Variants in SEPTIN14 observed in about 807,000 individuals in gnomAD.
SEPTIN14 encodes septin-14.
In SEPTIN14, 40 loss-of-function variants were observed where a neutral mutation model predicts 53.6. The ratio of observed to expected loss-of-function variants is 0.75; its 90% CI spans 0.58 to 0.97. The LOEUF is 0.97. Among genes scored for constraint, SEPTIN14 ranks in the 50% least tolerant of loss-of-function variants. SEPTIN14 has a pLI of 0.00. For synonymous variants in SEPTIN14, 138 were observed against 166.8 expected, an observed-to-expected ratio of 0.83 and a Z score of 1.33; for missense variants, 471 against 508.2, an observed-to-expected ratio of 0.93 and a Z score of 0.70.
intron 7 of SEPTIN14, among the ~76,000 whole-genome samples, chr7:55,816,790 C>T (rs1208897137): frequency 6.6e-6 from 1 of 151,972 alleles, no homozygotes; most frequent in Non-Finnish European, 1.5e-5. Context: ...AAGAGCTAAA[C>T]TCCATCTCAA....
intron 7 of SEPTIN14, among the ~76,000 whole-genome samples, chr7:55,812,524 G>C (rs1286343608): frequency 6.6e-6 from 1 of 152,180 alleles, no homozygotes; most frequent in Non-Finnish European, 1.5e-5. Context: ...CTACGGCACT[G>C]TATGGTGACT....
intron 9 of SEPTIN14, among the ~76,000 whole-genome samples, chr7:55,801,747 C>T (rs561810031): frequency 6.6e-6 from 1 of 151,738 alleles, no homozygotes; most frequent in South Asian, 2.1e-4. Context: ...TAGTGAGACC[C>T]CATCTCTACT....
rs189817778 is a variant in SEPTIN14 at position 55,855,527 on chromosome 7, G to C, written c.54+6416C>G. Among the ~76,000 whole-genome samples, 410 of 152,198 alleles carry C rather than the reference G, an allele frequency of 2.7e-3. 4 individuals carry two copies. The highest frequency in any genetic ancestry group is 0.01 in the Middle Eastern group (3 of 294). On this transcript the variant is annotated intron_variant, in intron 2 of 9. Transcript: ENST00000388975. ...ACAAGTAAAAAGTATGAGCCATAAAGAGGAATCATCTGTAGGTGCTTTTTT... is the reference window on the plus strand; with the variant it reads ...ACAAGTAAAAAGTATGAGCCATAAACAGGAATCATCTGTAGGTGCTTTTTT...
intron 5 of SEPTIN14, among the ~76,000 whole-genome samples, chr7:55,840,891 ATTAT>A (rs1789298874): frequency 1.1e-5 from 1 of 92,902 alleles, no homozygotes; most frequent in African/African-American, 2.9e-5. Flanking sequence ...TGTTGTTGTT[ATTAT>A]TTATTTATTA....
chr7:55,819,344 C>T lies in SEPTIN14; in HGVS notation c.721-121G>A. 4.3e-6 allele frequency: 3 copies of T among 694,744 alleles called. No homozygotes were observed. The Admixed American group carries it at 7.4e-5, about 17-fold the overall frequency. 43.0% of individuals were successfully genotyped at this position (694,744 alleles called of 1,614,324 possible). On this transcript the variant is annotated intron_variant, in intron 6 of 9. Transcript: ENST00000388975. Reference sequence around the variant, plus strand: ...GTGGCTCATGCCTGTAATCCCAGCACTTTGGGAGGCCGAGGTGGGCGGATC... The same window carrying T: ...GTGGCTCATGCCTGTAATCCCAGCATTTTGGGAGGCCGAGGTGGGCGGATC...
At chr7:55,841,097 C>T (rs1789304156) in intron 5 of SEPTIN14, among the ~76,000 whole-genome samples, 1 of 152,022 alleles carries the variant, frequency 6.6e-6, no homozygotes, top group South Asian at 2.1e-4. Flanking sequence ...TTAGTAGAGA[C>T]AGGGTTTCAT....
In SEPTIN14 at chr7:55,844,725, T is replaced by G. The variant is rs948066721; in HGVS notation, c.176-7A>C. On this transcript the variant is annotated splice_polypyrimidine_tract_variant and splice_region_variant and intron_variant, in intron 3 of 9. Transcript: ENST00000388975. ...TTTCCAATTCCAGTCTCCCCTGTAA[T>G]AGACATAGAGTCATTGTCATAGGGA... is the stretch of plus-strand genomic sequence containing the variant. The G allele has an allele frequency of 2.0e-6, 3 of 1,522,496 alleles. No individual in the cohort carries two copies. Among genetic ancestry groups the G allele is most frequent in the Non-Finnish European group, 2.7e-6 (3 of 1,111,824 alleles). 94.3% of individuals were successfully genotyped at this position (1,522,496 alleles called of 1,614,324 possible).
At chr7:55,851,853 A>G (rs571512797) in intron 2 of SEPTIN14, among the ~76,000 whole-genome samples, 96 of 152,218 alleles carry the variant, frequency 6.3e-4, no homozygotes, top group African/African-American at 2.3e-3. Context: ...CTAAAAATAC[A>G]AAAAAGAGGC....
In SEPTIN14 at chr7:55,804,339, A is replaced by G. The variant is rs147725592; in HGVS notation, c.1119+919T>C. On this transcript the variant is annotated intron_variant, in intron 9 of 9. Coordinates refer to ENST00000388975, the MANE Select transcript of SEPTIN14 (RefSeq NM_207366.3). ...AGTGGCACCATCTCGGCTCACTGCA[A>G]CCTCCACCTACTGGGTTCAAGCGAT... 3.0e-3 allele frequency among the ~76,000 whole-genome samples: 444 copies of G among 150,188 alleles called. 17 individuals carry two copies. In the East Asian group the frequency reaches 0.073, roughly 25 times the overall value.
intron 6 of SEPTIN14, among the ~76,000 whole-genome samples, chr7:55,826,777 A>G (rs1584260804): frequency 6.6e-6 from 1 of 150,974 alleles, no homozygotes; most frequent in Non-Finnish European, 1.5e-5. Context: ...AGCCTGGGCA[A>G]CAAGAGTAAA....
rs571062060 is a variant in SEPTIN14, at chr7:55,818,581, G to A, written c.817+546C>T. Among the ~76,000 whole-genome samples, 11 of 151,418 alleles carry A rather than the reference G, an allele frequency of 7.3e-5. No individual in the cohort carries two copies. The East Asian group carries it at 7.8e-4, about 11-fold the overall frequency. On this transcript the variant is annotated intron_variant, in intron 7 of 9. Coordinates refer to ENST00000388975, the MANE Select transcript of SEPTIN14 (RefSeq NM_207366.3). ...TATATGAACCAGACAATAAATTACT[G>A]CTTACTACACTATTCTAACTCATTA...
chr7:55,846,610 T>G lies in SEPTIN14; in HGVS notation c.82A>C (p.Thr28Pro). ...TQKENNIRCL[T>P]TIGHFGFECL... ...TCAAAACCAAAATGTCCAATCGTAG[T>G]TAAACAACGAATATTATTTTCTTTT... Residue 28 changes from threonine (T) to proline (P), a missense_variant, in exon 3 of 10, where the codon ACT becomes CCT. By Grantham distance (38) the Thr-to-Pro change is conservative (BLOSUM62 -1). Coordinates refer to ENST00000388975, the MANE Select transcript of SEPTIN14 (RefSeq NM_207366.3). 1 of 1,488,936 alleles carries G rather than the reference T, an allele frequency of 6.7e-7. No individual in the cohort carries two copies. Among genetic ancestry groups the G allele is most frequent in the Non-Finnish European group, 9.3e-7 (1 of 1,071,862 alleles). The allele number at this position is 1,488,936 out of a possible 1,614,324, so 92.2% of individuals were successfully genotyped here.
Position 55,794,219 on chromosome 7 carries a change from A to G in SEPTIN14, c.*1694T>C, listed in dbSNP as rs1788388618. 6.6e-6 allele frequency: 1 copy of G among 152,158 alleles called. No individual in the cohort carries two copies. The highest frequency in any genetic ancestry group is 1.5e-5 in the Non-Finnish European group (1 of 68,020). 9.4% of individuals were successfully genotyped at this position (152,158 alleles called of 1,614,324 possible). A position where few individuals can be genotyped will look rare whatever the true frequency, so the allele number is the denominator to read the frequency against. ...TATTCTCAAATGCAGCACAATGATAATTTTTATAAGGTAGATGTTATTTTT... is the reference window on the plus strand; with the variant it reads ...TATTCTCAAATGCAGCACAATGATAGTTTTTATAAGGTAGATGTTATTTTT... On this transcript the variant is annotated 3_prime_UTR_variant, in exon 10 of 10. Transcript: ENST00000388975.
At chr7:55,804,251 T>C (rs1191813502) in intron 9 of SEPTIN14, among the ~76,000 whole-genome samples, 1 of 149,378 alleles carries the variant, frequency 6.7e-6, no homozygotes, top group Non-Finnish European at 1.5e-5. Context: ...CCTAAGCTAA[T>C]GGTTTGGTTT....
chr7:55,795,835 A>C lies in SEPTIN14; in HGVS notation c.*78T>G. ...CCAATTTTTAAAATGAGAACTTCAG[A>C]GTTAAATGCTACAAAGACAATCTCA... On this transcript the variant is annotated 3_prime_UTR_variant, in exon 10 of 10. Transcript: ENST00000388975. 2 of 1,072,194 alleles carry C rather than the reference A, an allele frequency of 1.9e-6. No individual in the cohort carries two copies. Among genetic ancestry groups the C allele is most frequent in the Non-Finnish European group, 2.8e-6 (2 of 717,744 alleles). The allele number at this position is 1,072,194 out of a possible 1,614,324, so 66.4% of individuals were successfully genotyped here.
At chr7:55,845,536 G>T (rs973847606) in intron 3 of SEPTIN14, among the ~76,000 whole-genome samples, 2 of 152,104 alleles carry the variant, frequency 1.3e-5, no homozygotes, top group African/African-American at 4.8e-5. Context: ...ATAATCAAGA[G>T]AGTTAATTTC....
chr7:55,810,752 A>G (rs749042299), intron 7 of SEPTIN14: 8 of 176,930 alleles, frequency 4.5e-5, no homozygotes, highest in Non-Finnish European at 8.3e-5. Context: ...TGCTGGGATT[A>G]CAGGTGTGAG....
intron 7 of SEPTIN14, among the ~76,000 whole-genome samples, chr7:55,818,491 A>AG: frequency 6.6e-6 from 1 of 151,846 alleles, no homozygotes; most frequent in East Asian, 1.9e-4. Context: ...AAAAAAAAAA[A>AG]AAATCATTTG....
chr7:55,832,322 T>C (rs767032065), intron 6 of SEPTIN14, among the ~76,000 whole-genome samples: 1 of 151,962 alleles, frequency 6.6e-6, no homozygotes, highest in Non-Finnish European at 1.5e-5. Flanking sequence ...GGTGGGACCA[T>C]AACAACCTCT....
Sources: allele counts gnomAD v4.1 joint callset (sites outside exome capture counted in the v4.1 genomes callset), GRCh38; gene constraint gnomAD v4.1.1; transcripts MANE v1.5; gene names NCBI Gene and HGNC (gene_info 2026-07-23, HGNC 2026-07-21).